The following MAP7D2 variants were observed in gnomAD, a reference collection of about 807,000 sequenced individuals.
MAP7D2 encodes the protein MAP7 domain-containing protein 2.
A neutral mutation model predicts 63.5 loss-of-function variants in MAP7D2; 33 were observed. That is an observed-to-expected ratio of 0.52 (90% CI 0.39 to 0.70). The LOEUF (loss-of-function observed/expected upper bound fraction) is 0.70, where lower values mean the gene tolerates loss of function less well. MAP7D2 is among the 30% of genes least tolerant of loss of function. The pLI is 0.00. For missense variants in MAP7D2, 626 were observed against 604.0 expected (o/e 1.04, Z -0.38); for synonymous variants, 224 against 223.7 (o/e 1.00, Z -0.01).
intron 6 of MAP7D2, among the ~76,000 whole-genome samples, chrX:20,045,568 A>G (rs1288452918): frequency 9.3e-6 from 1 of 108,023 alleles, no homozygotes; most frequent in Non-Finnish European, 1.9e-5. Flanking sequence ...GAAAGAAAAA[A>G]TAAGTCACAG....
chrX:20,048,151 C>T (rs2064849849), intron 6 of MAP7D2, among the ~76,000 whole-genome samples: 1 of 111,702 alleles, frequency 9.0e-6, no homozygotes, highest in African/African-American at 3.3e-5. Flanking sequence ...CATTTTAGGA[C>T]GATCCCCCTT....
At position 20,044,415 on chromosome X, in the gene MAP7D2, A is replaced by G; in HGVS notation, c.828T>C (p.Ser276=). The change falls in exon 7 of 17, where the codon TCT becomes TCC. Residue 276 remains serine (S), a synonymous_variant. Transcript: ENST00000379643. ...EKKKATSTST[S]GAGDVGKEAL... is the part of the protein sequence containing the mutation. ...CTTCTTTCCCAACATCTCCTGCACC[A>G]GATGTAGACGTAGATGTAGCTTTCT... 1 of 1,211,608 alleles carries G rather than the reference A, an allele frequency of 8.3e-7. No individual in the cohort carries two copies. Among genetic ancestry groups the G allele is most frequent in the Non-Finnish European group, 1.1e-6 (1 of 895,383 alleles).
At chrX:20,060,313 C>A (rs1315815741) in intron 3 of MAP7D2, among the ~76,000 whole-genome samples, 2 of 109,969 alleles carry the variant, frequency 1.8e-5, no homozygotes, top group Non-Finnish European at 3.8e-5. Context: ...AGCCACCATG[C>A]CCGGCCCATT....
chrX:20,012,975 G>T (rs2073252543), intron 14 of MAP7D2, 79 bp downstream of exon 14: 3 of 816,799 alleles, frequency 3.7e-6, no homozygotes, highest in South Asian at 4.6e-5. Context: ...TGGGATCCAT[G>T]GGTCTGTTTA....
Position 20,012,508 on chromosome X carries a change from T to C in MAP7D2, c.1913A>G (p.Glu638Gly). 8.4e-7 allele frequency: 1 copy of C among 1,192,025 alleles called. No individual in the cohort carries two copies. The highest frequency in any genetic ancestry group is 2.3e-5 in the Admixed American group (1 of 43,345). The change falls in exon 15 of 17, where the codon GAA (glutamate) becomes GGA (glycine). Residue 638 changes from glutamate (E) to glycine (G), a missense_variant. Glu to Gly is a moderately conservative substitution (Grantham distance 98). Transcript: ENST00000379643. ...MEINGLNTCQEVNGVDHAAPE... is the reference protein window; with the variant it reads ...MEINGLNTCQGVNGVDHAAPE... ...GGCAGCGTGATCCACACCATTAACT[T>C]CCTGGCAGGTGTTCAATCCATTGAT...
intron 1 of MAP7D2, among the ~76,000 whole-genome samples, chrX:20,109,519 CAAAAAAAAAAAAA>C (rs60683453): frequency 6.1e-5 from 2 of 33,001 alleles, no homozygotes; most frequent in Admixed American, 4.0e-4. Context: ...GACTCCGTCT[CAAAAAAAAAAAAA>C]AAAAAAAAAA....
intron 8 of MAP7D2, among the ~76,000 whole-genome samples, chrX:20,039,993 A>G (rs1388680111): frequency 5.1e-4 from 43 of 84,189 alleles, no homozygotes; most frequent in Non-Finnish European, 9.4e-4. Context: ...GCAAGACTCC[A>G]TCTCAAAAAA....
At chrX:20,064,861 A>G in intron 1 of MAP7D2, 56 bp from the exon 2 acceptor site, 1 of 1,062,779 alleles carries the variant, frequency 9.4e-7, no homozygotes, top group South Asian at 1.9e-5. Flanking sequence ...CCTATCTGCT[A>G]AGTACTATAG....
At chrX:20,086,790 G>GT (rs1371442645) in intron 1 of MAP7D2, among the ~76,000 whole-genome samples, 3 of 111,107 alleles carry the variant, frequency 2.7e-5, no homozygotes, top group African/African-American at 9.8e-5. Flanking sequence ...GTTTTGTTTT[G>GT]TTTTTTTCTG....
Position 20,056,784 on chromosome X carries a change from A to G in MAP7D2, c.380T>C (p.Leu127Pro). 1.7e-6 allele frequency: 2 copies of G among 1,210,080 alleles called. No individual in the cohort carries two copies. Among genetic ancestry groups the G allele is most frequent in the Non-Finnish European group, 2.2e-6 (2 of 894,491 alleles). ...CAGGGACCGGCGCATCATCGCCTCC[A>G]GCCGTTCCTACACAGTTCGTGTAAG... ...KQKLREEEER[L>P]EAMMRRSLER... Residue 127 changes from leucine to proline, a missense_variant, in exon 4 of 17, where the codon CTG (leucine) becomes CCG (proline). Physicochemically the swap from Leu to Pro is moderately conservative, Grantham distance 98 (BLOSUM62 -3). Coordinates refer to ENST00000379643, the MANE Select transcript of MAP7D2 (RefSeq NM_001168465.2).
chrX:20,066,071 C>T (rs1303143863), intron 1 of MAP7D2, among the ~76,000 whole-genome samples: 2 of 110,078 alleles, frequency 1.8e-5, no homozygotes, highest in Non-Finnish European at 3.8e-5. Flanking sequence ...TACAGGCGCC[C>T]GCCACCGCGC....
rs747313218 is a variant in MAP7D2 at position 20,016,278 on chromosome X, C to A, written c.1460G>T (p.Arg487Leu). Residue 487 changes from arginine (R) to leucine (L), a missense_variant, in exon 11 of 17, where the codon CGC becomes CTC. Coordinates refer to ENST00000379643, the MANE Select transcript of MAP7D2 (RefSeq NM_001168465.2). ...CTGCTTTCGGGCTTCCTCTTCTAGGCGAAGCCTTTCCTCCTCTGCCTTTCT... is the reference window on the plus strand; with the variant it reads ...CTGCTTTCGGGCTTCCTCTTCTAGGAGAAGCCTTTCCTCCTCTGCCTTTCT... ...LKRKAEEERLRLEEEARKQEE... is the reference protein window; with the variant it reads ...LKRKAEEERLLLEEEARKQEE... The A allele has an allele frequency of 1.2e-5, 14 of 1,209,284 alleles. No individual in the cohort carries two copies. The highest frequency in any genetic ancestry group is 1.6e-5 in the Non-Finnish European group (14 of 894,990).
At chrX:20,094,524 A>ATG (rs2066178157) in intron 1 of MAP7D2, among the ~76,000 whole-genome samples, 2 of 14,836 alleles carry the variant, frequency 1.3e-4, no homozygotes, top group African/African-American at 4.9e-4. Context: ...ATGTATATAT[A>ATG]TATATATATA....
intron 8 of MAP7D2, among the ~76,000 whole-genome samples, chrX:20,031,291 AAAAATAAAATAAAATAAAATAAAAT>A (rs55901756): frequency 1.9e-4 from 16 of 85,294 alleles, no homozygotes; most frequent in South Asian, 1.4e-3. Context: ...CACCATCTCG[AAAAATAAAATAAAATAAAATAAAAT>A]AAAATAAAAT....
At chrX:20,110,103 T>C (rs1458874402) in intron 1 of MAP7D2, among the ~76,000 whole-genome samples, 2 of 110,459 alleles carry the variant, frequency 1.8e-5, no homozygotes, top group Non-Finnish European at 3.8e-5. Flanking sequence ...TTTTTTTTTT[T>C]TTTTGGTCAT....
intron 16 of MAP7D2, among the ~76,000 whole-genome samples, chrX:20,009,952 G>C (rs989556256): frequency 2.7e-5 from 3 of 111,832 alleles, no homozygotes; most frequent in African/African-American, 9.7e-5. Flanking sequence ...CTGTGATTGC[G>C]CCACTGCACA....
intron 8 of MAP7D2, among the ~76,000 whole-genome samples, chrX:20,036,328 C>T (rs56111945): frequency 7.3e-5 from 8 of 109,763 alleles, no homozygotes; most frequent in East Asian, 5.9e-4. Flanking sequence ...CTGCAACCTC[C>T]GCCTCCCGGG....
At position 20,094,592 on chromosome X, in the gene MAP7D2, A is replaced by T. The variant is rs202052584; in HGVS notation, c.130+22158T>A. 1.4e-3 allele frequency among the ~76,000 whole-genome samples: 85 copies of T among 62,204 alleles called. 1 individual carries two copies. In the East Asian group the frequency reaches 0.019, roughly 14 times the overall value. The allele number at this position is 62,204 out of a possible 115,157, so 54.0% of individuals were successfully genotyped here. On this transcript the variant is annotated intron_variant, in intron 1 of 16. Coordinates refer to ENST00000379643, the MANE Select transcript of MAP7D2 (RefSeq NM_001168465.2). The stretch of plus-strand genomic sequence containing the variant: ...TACATATATATGTATATATATATAT[A>T]TTTTTTGACAGTCTTGCTCTGTCGC...
intron 8 of MAP7D2, among the ~76,000 whole-genome samples, chrX:20,042,048 A>AAC (rs950904686): frequency 9.0e-6 from 1 of 110,862 alleles, no homozygotes; most frequent in African/African-American, 3.3e-5. Flanking sequence ...ATTTCTTAAA[A>AAC]ACACACACAC....
Sources: allele counts gnomAD v4.1 joint callset (sites outside exome capture counted in the v4.1 genomes callset), GRCh38; gene constraint gnomAD v4.1.1; transcripts MANE v1.5; gene names NCBI Gene and HGNC (gene_info 2026-07-23, HGNC 2026-07-21).